Variants in FOXN3 observed in about 807,000 individuals in gnomAD.
FOXN3 encodes the protein forkhead box protein N3.
FOXN3 carries 7 observed loss-of-function variants against 38.4 expected under a neutral mutation model. That is an observed-to-expected ratio of 0.18 (90% CI 0.10 to 0.34). The LOEUF (loss-of-function observed/expected upper bound fraction) is 0.34, where lower values mean the gene tolerates loss of function less well. Among genes scored for constraint, FOXN3 ranks in the 10% least tolerant of loss-of-function variants. FOXN3 has a pLI of 1.00. For missense variants in FOXN3, 456 were observed against 613.4 expected, an observed-to-expected ratio of 0.74 and a Z score of 2.71; for synonymous variants, 230 against 242.2, an observed-to-expected ratio of 0.95 and a Z score of 0.47.
At chr14:89,228,757 A>G (rs905464824) in intron 4 of FOXN3, among the ~76,000 whole-genome samples, 30 of 152,352 alleles carry the variant, frequency 2.0e-4, no homozygotes, top group Middle Eastern at 3.4e-3. Flanking sequence ...TTCAGAACGA[A>G]TATAACACCT....
chr14:89,195,936 T>C (rs1361563020), intron 4 of FOXN3, among the ~76,000 whole-genome samples: 3 of 152,152 alleles, frequency 2.0e-5, no homozygotes, highest in Non-Finnish European at 2.9e-5. Flanking sequence ...CATGCTGTCA[T>C]GGGTGCTGAA....
intron 1 of FOXN3, among the ~76,000 whole-genome samples, chr14:89,511,180 T>TC (rs1491229196): frequency 2.3e-5 from 1 of 43,972 alleles, no homozygotes; most frequent in Non-Finnish European, 6.7e-5. Context: ...TTTCTTTCTT[T>TC]CTTTCTTTCT....
At chr14:89,606,347 C>CT (rs148037666) in intron 1 of FOXN3, among the ~76,000 whole-genome samples, 3,684 of 152,034 alleles carry the variant, frequency 0.024, 55 homozygotes, top group African/African-American at 0.034. Flanking sequence ...TAATTCTAGT[C>CT]TTATACAGAC....
intron 2 of FOXN3, among the ~76,000 whole-genome samples, chr14:89,390,166 CTG>C (rs963674972): frequency 6.6e-6 from 1 of 150,892 alleles, no homozygotes; most frequent in African/African-American, 2.4e-5. Flanking sequence ...GTTGAGGCTG[CTG>C]TGAGCCAAGG....
intron 3 of FOXN3, among the ~76,000 whole-genome samples, chr14:89,318,157 C>T (rs1566954937): frequency 1.3e-5 from 1 of 74,892 alleles, no homozygotes. Flanking sequence ...TCTTCTTCTT[C>T]TTCTCTTTTT....
At chr14:89,554,228 C>T (rs1895067104) in intron 1 of FOXN3, among the ~76,000 whole-genome samples, 1 of 152,140 alleles carries the variant, frequency 6.6e-6, no homozygotes, top group Non-Finnish European at 1.5e-5. Flanking sequence ...TCTTGAACTC[C>T]TGACCTCGTG....
intron 3 of FOXN3, among the ~76,000 whole-genome samples, chr14:89,304,277 T>C (rs1030299467): frequency 7.2e-5 from 11 of 152,274 alleles, no homozygotes; most frequent in African/African-American, 2.6e-4. Flanking sequence ...GCTGACGACA[T>C]TTCTTCCTGC....
intron 1 of FOXN3, among the ~76,000 whole-genome samples, chr14:89,447,767 T>G (rs11845173): frequency 6.6e-6 from 1 of 150,770 alleles, no homozygotes; most frequent in Admixed American, 6.6e-5. Flanking sequence ...TGTAAATATC[T>G]GCAGTTGAAA....
intron 1 of FOXN3, among the ~76,000 whole-genome samples, chr14:89,544,340 CTT>C (rs796391696): frequency 4.2e-5 from 6 of 143,768 alleles, no homozygotes; most frequent in Admixed American, 7.0e-5. Context: ...TGTGCTGGGC[CTT>C]TTTTTTTTTA....
chr14:89,495,850 T>C (rs1415078749), intron 1 of FOXN3, among the ~76,000 whole-genome samples: 2 of 152,160 alleles, frequency 1.3e-5, no homozygotes, highest in East Asian at 3.8e-4. Context: ...CAGCAACTGG[T>C]CCTAGGCCAC....
chr14:89,440,743 AACAGCCTTGTTGCTC>A (rs1892366413), intron 1 of FOXN3, among the ~76,000 whole-genome samples: 1 of 152,082 alleles, frequency 6.6e-6, no homozygotes, highest in African/African-American at 2.4e-5. Flanking sequence ...AGGTGAAATA[AACAGCCTTGTTGCTC>A]ACACAAAGCC....
At chr14:89,399,870 A>T (rs1271227361) in intron 2 of FOXN3, 7 of 152,218 alleles carry the variant, frequency 4.6e-5, no homozygotes, top group Admixed American at 4.6e-4. Context: ...TCCGTTGCTA[A>T]GGCAACTGCT....
chr14:89,590,363 G>C (rs919310269), intron 1 of FOXN3, among the ~76,000 whole-genome samples: 1 of 152,122 alleles, frequency 6.6e-6, no homozygotes, highest in Non-Finnish European at 1.5e-5. Context: ...GTAATTTCTG[G>C]AAGACTGAGG....
chr14:89,392,242 G>A (rs1023740707), intron 2 of FOXN3, among the ~76,000 whole-genome samples: 3 of 152,140 alleles, frequency 2.0e-5, no homozygotes, highest in Admixed American at 6.5e-5. Flanking sequence ...TCTCTGGATC[G>A]TTCCCTCCTC....
chr14:89,281,054 T>A, intron 3 of FOXN3, 40 bp from the exon 4 acceptor site: 1 of 1,563,796 alleles, frequency 6.4e-7, no homozygotes, highest in African/African-American at 1.3e-5. Context: ...CAAGTTCATC[T>A]GCACTCACAC....
intron 3 of FOXN3, among the ~76,000 whole-genome samples, chr14:89,299,205 A>G (rs566967645): frequency 7.2e-5 from 11 of 152,328 alleles, no homozygotes; most frequent in Admixed American, 5.2e-4. Context: ...CCAAGTGTCA[A>G]GGGTGGGGCC....
chr14:89,345,329 A>G (rs1419085285), intron 3 of FOXN3, among the ~76,000 whole-genome samples: 1 of 151,936 alleles, frequency 6.6e-6, no homozygotes, highest in African/African-American at 2.4e-5. Context: ...AAAATTGATC[A>G]ATGAGTCTGC....
At chr14:89,231,725 C>T (rs1053601823) in intron 4 of FOXN3, among the ~76,000 whole-genome samples, 1 of 152,290 alleles carries the variant, frequency 6.6e-6, no homozygotes, top group Admixed American at 6.5e-5. Context: ...CCATGCAATA[C>T]TGTGCTCCAA....
intron 1 of FOXN3, among the ~76,000 whole-genome samples, chr14:89,511,273 TTCTTTCTTTCTTTC>T: frequency 1.3e-5 from 1 of 75,000 alleles, no homozygotes; most frequent in East Asian, 2.8e-4. Flanking sequence ...CTTTCTTTCT[TTCTTTCTTTCTTTC>T]TTTCTTTCTT....
Sources: gnomAD v4.1 joint callset for allele counts (sites outside exome capture counted in the v4.1 genomes callset) on GRCh38, gnomAD v4.1.1 for gene constraint, MANE v1.5 for transcripts, NCBI Gene and HGNC (gene_info 2026-07-23, HGNC 2026-07-21) for gene names.